The following RAD54B variants were observed in gnomAD, a reference collection of about 807,000 sequenced individuals.
RAD54B encodes RAD54 homolog B.
RAD54B carries 78 observed loss-of-function variants against 95.8 expected under a neutral mutation model. That is an observed-to-expected ratio of 0.81 (90% CI 0.68 to 0.98). RAD54B has a LOEUF of 0.98. RAD54B is among the 50% of genes least tolerant of loss of function. The pLI is 0.00. For synonymous variants in RAD54B, 328 were observed against 354.9 expected, an observed-to-expected ratio of 0.92 and a Z score of 0.85; for missense variants, 957 against 1,056.6, an observed-to-expected ratio of 0.91 and a Z score of 1.31.
intron 3 of RAD54B, among the ~76,000 whole-genome samples, chr8:94,445,879 G>A (rs532220967): frequency 1.6e-4 from 25 of 152,086 alleles, no homozygotes; most frequent in South Asian, 1.2e-3. Flanking sequence ...TGAGGAAAAC[G>A]TACTCATATT....
chr8:94,410,750 A>G (rs1811508010), intron 4 of RAD54B, among the ~76,000 whole-genome samples: 1 of 152,170 alleles, frequency 6.6e-6, no homozygotes, highest in Non-Finnish European at 1.5e-5. Context: ...ATTCAACTTG[A>G]TATCAACATA....
At chr8:94,403,952 T>G (rs1005269737) in intron 6 of RAD54B, 125 bp downstream of exon 6, 1 of 786,844 alleles carries the variant, frequency 1.3e-6, no homozygotes, top group African/African-American at 1.8e-5. Context: ...TCACCTTTCC[T>G]ACCAATTGAA....
chr8:94,390,042 G>GT (rs1200485550), intron 10 of RAD54B, among the ~76,000 whole-genome samples: 14 of 151,882 alleles, frequency 9.2e-5, no homozygotes, highest in African/African-American at 2.9e-4. Context: ...TATAGAATCA[G>GT]TTTTTTTTAA....
At chr8:94,399,687 C>T in intron 7 of RAD54B, 66 bp from the exon 8 acceptor site, 1 of 1,487,482 alleles carries the variant, frequency 6.7e-7, no homozygotes, top group Non-Finnish European at 8.9e-7. Flanking sequence ...ATTTAAGCAG[C>T]CTATTCCTGA....
chr8:94,387,010 A>C lies in RAD54B; in HGVS notation c.1959T>G (p.Val653=). ...TTTCAGTAGGTCGAAGTTCGTGGAT[A>C]ACCGCTAAGAGCTTGGACAACACCT... ...KLQVLSKLLA[V]IHELRPTEKV... Residue 653 remains valine (V), a synonymous_variant, in exon 11 of 15, where the codon GTT becomes GTG. Coordinates refer to ENST00000336148, the MANE Select transcript of RAD54B (RefSeq NM_012415.3). 1 of 1,601,958 alleles carries C rather than the reference A, an allele frequency of 6.2e-7. No homozygotes were observed. The highest frequency in any genetic ancestry group is 8.5e-7 in the Non-Finnish European group (1 of 1,176,612).
chr8:94,472,291 G>A (rs1007857585), intron 1 of RAD54B, among the ~76,000 whole-genome samples: 1 of 152,092 alleles, frequency 6.6e-6, no homozygotes, highest in Admixed American at 6.5e-5. Context: ...TTTTTATAAT[G>A]GGTAAGCAGA....
At chr8:94,474,427 T>C (rs1413743349) in intron 1 of RAD54B, among the ~76,000 whole-genome samples, 1 of 152,226 alleles carries the variant, frequency 6.6e-6, no homozygotes, top group African/African-American at 2.4e-5. Context: ...CTCAGTAGGT[T>C]AGCTGTGTTT....
In RAD54B at chr8:94,402,844, GAT is replaced by G. The variant is rs528059768; in HGVS notation, c.944+1231_944+1232del. ...CATTGCAATAGTCTAGATAAAATAT[GAT>G]ATTTTTATGACATCGGTTACTAGAG... On this transcript the variant is annotated intron_variant, in intron 6 of 14. Transcript: ENST00000336148. Among the ~76,000 whole-genome samples the G allele has an allele frequency of 8.9e-4, 136 of 152,276 alleles. 1 individual carries two copies. The highest frequency in any genetic ancestry group is 2.8e-3 in the African/African-American group (117 of 41,580).
rs530903803 is a variant in RAD54B, at chr8:94,440,574, T to C, written c.304+17694A>G. On this transcript the variant is annotated intron_variant, in intron 3 of 14. Coordinates refer to ENST00000336148, the MANE Select transcript of RAD54B (RefSeq NM_012415.3). ...TTGCCAATGCTCGTTGGTGTAGTCA[T>C]AGAGTTTTATGAAGAATCACTGTGC... Among the ~76,000 whole-genome samples, 5 of 152,324 alleles carry C rather than the reference T, an allele frequency of 3.3e-5. No homozygotes were observed. In the East Asian group the frequency reaches 5.8e-4, roughly 18 times the overall value.
intron 11 of RAD54B, among the ~76,000 whole-genome samples, chr8:94,384,591 G>A (rs1404205851): frequency 6.6e-6 from 1 of 151,778 alleles, no homozygotes; most frequent in African/African-American, 2.4e-5. Context: ...TCTGAACATT[G>A]GTTGCACCAG....
intron 5 of RAD54B, among the ~76,000 whole-genome samples, chr8:94,406,003 T>TACACACAC (rs10640285): frequency 0.39 from 57,904 of 147,762 alleles, 12,500 homozygotes; most frequent in Non-Finnish European, 0.49. Context: ...GAAGTGCTTT[T>TACACACAC]ACACACACAC....
rs528440749 is a variant in RAD54B, at chr8:94,372,202, G to C, written c.2701C>G (p.Gln901Glu). 22 of 1,610,836 alleles carry C rather than the reference G, an allele frequency of 1.4e-5. No homozygotes were observed. In the East Asian group the frequency reaches 4.2e-4, roughly 31 times the overall value. ...CCAGTAGCTTGAGTGGTTATATTCT[G>C]AAAAATGAATGACACATTTTCTGTT... ...RITENVSFIF[Q>E]NITTQATGT The change falls in exon 15 of 15, where the codon CAG (glutamine) becomes GAG (glutamate). Residue 901 changes from glutamine (Q) to glutamate (E), a missense_variant. By Grantham distance (29) the Gln-to-Glu change is conservative. Transcript: ENST00000336148.
At chr8:94,459,150 C>G (rs995049007) in intron 2 of RAD54B, among the ~76,000 whole-genome samples, 1 of 151,814 alleles carries the variant, frequency 6.6e-6, no homozygotes, top group African/African-American at 2.4e-5. Context: ...TTTTAACAAG[C>G]CCCCACCTCT....
In RAD54B at chr8:94,466,041, G is replaced by A. The variant is rs1813016624; in HGVS notation, c.135+1364C>T. Among the ~76,000 whole-genome samples the A allele has an allele frequency of 2.6e-5, 4 of 152,196 alleles. No individual in the cohort carries two copies. The South Asian group carries it at 8.3e-4, about 32-fold the overall frequency. ...GGGGAGTTAATGTTTAATGGGTACAGAGTTTCTGTTTGGGGTAATGAAAAA... is the reference window on the plus strand; with the variant it reads ...GGGGAGTTAATGTTTAATGGGTACAAAGTTTCTGTTTGGGGTAATGAAAAA... On this transcript the variant is annotated intron_variant, in intron 2 of 14. Transcript: ENST00000336148.
intron 3 of RAD54B, among the ~76,000 whole-genome samples, chr8:94,435,090 G>A (rs919367333): frequency 6.6e-6 from 1 of 151,854 alleles, no homozygotes; most frequent in Admixed American, 6.6e-5. Context: ...TTATACCTGC[G>A]ATGCAAAAAA....
chr8:94,378,743 T>C, intron 12 of RAD54B, 109 bp from the exon 13 acceptor site: 1 of 726,572 alleles, frequency 1.4e-6, no homozygotes, highest in Non-Finnish European at 2.2e-6. Flanking sequence ...ATATTTTACA[T>C]ACAGCTTCAG....
chr8:94,402,263 T>TC (rs1811283570), intron 6 of RAD54B, among the ~76,000 whole-genome samples: 2 of 151,986 alleles, frequency 1.3e-5, no homozygotes, highest in Admixed American at 6.6e-5. Context: ...TTTTTTTTTT[T>TC]TTCCTCTCCA....
intron 3 of RAD54B, among the ~76,000 whole-genome samples, chr8:94,434,604 G>A (rs1469799665): frequency 1.3e-5 from 2 of 151,756 alleles, no homozygotes; most frequent in Non-Finnish European, 3.0e-5. Flanking sequence ...GCATATTTAT[G>A]TAGAAGTATA....
chr8:94,402,767 A>G (rs1314332104), intron 6 of RAD54B, among the ~76,000 whole-genome samples: 1 of 152,198 alleles, frequency 6.6e-6, no homozygotes, highest in Non-Finnish European at 1.5e-5. Flanking sequence ...GGTGGCTTTA[A>G]GTAGAATACA....
Sources: gnomAD v4.1 joint callset for allele counts (sites outside exome capture counted in the v4.1 genomes callset) on GRCh38, gnomAD v4.1.1 for gene constraint, MANE v1.5 for transcripts, NCBI Gene and HGNC (gene_info 2026-07-23, HGNC 2026-07-21) for gene names.